Variants in STAU2 observed in about 807,000 individuals in gnomAD.
STAU2 encodes the protein staufen double-stranded RNA binding protein 2, also known as double-stranded RNA-binding protein Staufen homolog 2.
In STAU2, 20 loss-of-function variants were observed where a neutral mutation model predicts 65.9. The observed-to-expected ratio is 0.30, with a 90% CI of 0.21 to 0.44. The LOEUF (loss-of-function observed/expected upper bound fraction) is 0.44. Among genes scored for constraint, STAU2 ranks in the 20% least tolerant of loss-of-function variants. The probability of loss-of-function intolerance (pLI) is 1.00; values close to 1 mark genes in which losing one functional copy is unlikely to be tolerated. For missense variants in STAU2, 558 were observed against 683.9 expected, an observed-to-expected ratio of 0.82 and a Z score of 2.05; for synonymous variants, 232 against 233.9, an observed-to-expected ratio of 0.99 and a Z score of 0.07.
chr8:73,427,749 T>C lies in STAU2; in HGVS notation c.1531-5047A>G, dbSNP rs1345225642. Among the ~76,000 whole-genome samples, 6 of 152,378 alleles carry C rather than the reference T, an allele frequency of 3.9e-5. No homozygotes were observed. In the East Asian group the frequency reaches 1.2e-3, roughly 29 times the overall value. On this transcript the variant is annotated intron_variant, in intron 13 of 14. Coordinates refer to ENST00000524300, the MANE Select transcript of STAU2 (RefSeq NM_001164380.2). ...CAAGGACCAATCCATGCCAGACCTTTTTCCAGATATTCCCATTTTCACGGA... is the reference window on the plus strand; with the variant it reads ...CAAGGACCAATCCATGCCAGACCTTCTTCCAGATATTCCCATTTTCACGGA...
At chr8:73,547,559 G>A (rs1006228570) in intron 13 of STAU2, among the ~76,000 whole-genome samples, 1 of 152,090 alleles carries the variant, frequency 6.6e-6, no homozygotes, top group South Asian at 2.1e-4. Context: ...TGTCACTAAA[G>A]GAAGACCAAG....
rs140982689 is a variant in STAU2 at position 73,552,263 on chromosome 8, G to C, written c.1279C>G (p.Arg427Gly). 1 of 1,613,546 alleles carries C rather than the reference G, an allele frequency of 6.2e-7. No homozygotes were observed. Among genetic ancestry groups the C allele is most frequent in the African/African-American group, 1.3e-5 (1 of 74,892 alleles). ...GTAGTGCCAGAGATTACTTTGTGGCGGCTGGCTTCCATCTCTTGATAAACA... is the reference window on the plus strand; with the variant it reads ...GTAGTGCCAGAGATTACTTTGTGGCCGCTGGCTTCCATCTCTTGATAAACA... ...PDVYQEMEASRHKVISGTTLG... is the reference protein window; with the variant it reads ...PDVYQEMEASGHKVISGTTLG... The change falls in exon 13 of 15, where the codon CGC becomes GGC. Residue 427 changes from arginine (R) to glycine (G), a missense_variant. Transcript: ENST00000524300.
At chr8:73,518,884 T>C (rs927483105) in intron 13 of STAU2, among the ~76,000 whole-genome samples, 7 of 152,204 alleles carry the variant, frequency 4.6e-5, no homozygotes, top group East Asian at 1.9e-4. Flanking sequence ...GAAGACATTT[T>C]AGTTCTAAGA....
chr8:73,550,592 T>C (rs1807263251), intron 13 of STAU2: 5 of 976,820 alleles, frequency 5.1e-6, no homozygotes, highest in Middle Eastern at 2.9e-4. Context: ...ACGGAGATTA[T>C]AGATAGAACT....
At chr8:73,473,160 A>C (rs1030731154) in intron 13 of STAU2, among the ~76,000 whole-genome samples, 2 of 152,178 alleles carry the variant, frequency 1.3e-5, no homozygotes, top group Non-Finnish European at 2.9e-5. Flanking sequence ...CCGAGCAGTC[A>C]ATGAGGAGAG....
At chr8:73,706,270 C>T (rs955593650) in intron 4 of STAU2, among the ~76,000 whole-genome samples, 1 of 152,018 alleles carries the variant, frequency 6.6e-6, no homozygotes, top group Non-Finnish European at 1.5e-5. Flanking sequence ...TCACGCACCA[C>T]CACACCCCGG....
At chr8:73,684,068 A>C (rs1383268925) in intron 5 of STAU2, among the ~76,000 whole-genome samples, 1 of 152,226 alleles carries the variant, frequency 6.6e-6, no homozygotes, top group Non-Finnish European at 1.5e-5. Context: ...AATTCGCATC[A>C]AAATACCATC....
chr8:73,727,944 A>C (rs917674425), intron 3 of STAU2: 2 of 152,110 alleles, frequency 1.3e-5, no homozygotes, highest in African/African-American at 4.8e-5. Flanking sequence ...TGTGGTTTTC[A>C]TTTGCATCTC....
At chr8:73,674,551 T>C (rs1817905622) in intron 5 of STAU2, among the ~76,000 whole-genome samples, 1 of 151,874 alleles carries the variant, frequency 6.6e-6, no homozygotes, top group Non-Finnish European at 1.5e-5. Context: ...CGAAGAACAG[T>C]TATTTCAAAT....
chr8:73,591,901 A>AAAAAAAAAAAAAC (rs1810825076), intron 11 of STAU2, among the ~76,000 whole-genome samples: 2 of 142,072 alleles, frequency 1.4e-5, no homozygotes, highest in African/African-American at 2.6e-5. Flanking sequence ...AAAAAAAAAA[A>AAAAAAAAAAAAAC]AAAAAAAAAA....
At chr8:73,649,122 G>A (rs1312309061) in intron 6 of STAU2, among the ~76,000 whole-genome samples, 2 of 152,180 alleles carry the variant, frequency 1.3e-5, no homozygotes, top group Admixed American at 1.3e-4. Flanking sequence ...AAGCTAATAT[G>A]TAGTTTCTAA....
At chr8:73,667,420 A>G (rs189911075) in intron 6 of STAU2, among the ~76,000 whole-genome samples, 3 of 152,130 alleles carry the variant, frequency 2.0e-5, no homozygotes, top group Non-Finnish European at 4.4e-5. Flanking sequence ...CTCATTCCAG[A>G]CTTACCGAAC....
At chr8:73,459,999 T>C (rs1389455938) in intron 13 of STAU2, among the ~76,000 whole-genome samples, 2 of 152,164 alleles carry the variant, frequency 1.3e-5, no homozygotes, top group East Asian at 1.9e-4. Flanking sequence ...CAGTGCTTAA[T>C]TGGATCATTC....
chr8:73,479,846 T>C (rs1333954686), intron 13 of STAU2, among the ~76,000 whole-genome samples: 1 of 151,768 alleles, frequency 6.6e-6, no homozygotes, highest in Admixed American at 6.6e-5. Context: ...TTCAGGAACG[T>C]AGACATATTA....
At chr8:73,465,158 A>T (rs956471785) in intron 13 of STAU2, among the ~76,000 whole-genome samples, 2 of 152,220 alleles carry the variant, frequency 1.3e-5, no homozygotes, top group Admixed American at 6.5e-5. Context: ...ACCCCGGCCC[A>T]CACTGACAGC....
intron 13 of STAU2, among the ~76,000 whole-genome samples, chr8:73,436,421 T>C (rs2383894): frequency 0.75 from 113,088 of 151,344 alleles, 43,420 homozygotes; most frequent in East Asian, 0.92. Flanking sequence ...CCTCCTCTTA[T>C]ACCTGATTTT....
At chr8:73,630,955 C>G (rs78244921) in intron 6 of STAU2, among the ~76,000 whole-genome samples, 1 of 152,292 alleles carries the variant, frequency 6.6e-6, no homozygotes, top group East Asian at 1.9e-4. Flanking sequence ...TCATTTCACA[C>G]GCTCAGTGGC....
At position 73,637,440 on chromosome 8, in the gene STAU2, GAAC is replaced by G. The variant is rs559461513; in HGVS notation, c.411-19992_411-19990del. On this transcript the variant is annotated intron_variant, in intron 6 of 14. Transcript: ENST00000524300. ...AAAATCTGAGGCCAGGAGACAAGTG[GAAC>G]AACATCTTTAAAGTCTTTATAAAGT... Among the ~76,000 whole-genome samples the G allele has an allele frequency of 9.5e-3, 1,035 of 109,248 alleles. 7 individuals are homozygous for G. The highest frequency in any genetic ancestry group is 0.074 in the Middle Eastern group (10 of 136). 71.7% of individuals were successfully genotyped at this position (109,248 alleles called of 152,430 possible). A position where few individuals can be genotyped will look rare whatever the true frequency, so the allele number is the denominator to read the frequency against.
rs117454104 is a variant in STAU2, at chr8:73,494,554, A to G, written c.1530+57458T>C. Among the ~76,000 whole-genome samples the G allele has an allele frequency of 3.0e-4, 45 of 151,876 alleles. No individual in the cohort carries two copies. The East Asian group carries it at 7.8e-3, about 26-fold the overall frequency. ...AATGAAGTTTAACTTCTCCTAAAAC[A>G]TAGAATAATTAAATAATTTTCAAGT... On this transcript the variant is annotated intron_variant, in intron 13 of 14. Transcript: ENST00000524300.
Sources: allele counts gnomAD v4.1 joint callset (sites outside exome capture counted in the v4.1 genomes callset), GRCh38; gene constraint gnomAD v4.1.1; transcripts MANE v1.5; gene names NCBI Gene and HGNC (gene_info 2026-07-23, HGNC 2026-07-21).